The following CCDC73 variants were observed in gnomAD, a reference collection of about 807,000 sequenced individuals.
CCDC73 encodes coiled-coil domain containing 73, also known as coiled-coil domain-containing protein 73.
In CCDC73, 95 loss-of-function variants were observed where a neutral mutation model predicts 116.5. That is an observed-to-expected ratio of 0.82 (90% confidence interval 0.69 to 0.97). The LOEUF (loss-of-function observed/expected upper bound fraction) is 0.97, where lower values mean the gene tolerates loss of function less well. Among genes scored for constraint, CCDC73 ranks in the 50% least tolerant of loss-of-function variants. CCDC73 has a pLI of 0.00. For synonymous variants in CCDC73, 398 were observed against 401.3 expected (o/e 0.99, Z 0.10); for missense variants, 1,066 against 1,206.8 (o/e 0.88, Z 1.73).
chr11:32,727,769 A>G (rs1019057634), intron 2 of CCDC73, among the ~76,000 whole-genome samples: 2 of 151,758 alleles, frequency 1.3e-5, no homozygotes, highest in Non-Finnish European at 2.9e-5. Context: ...ATGGGGTTTC[A>G]CCATCTTGGC....
chr11:32,796,928 C>T (rs992911219), upstream of CCDC73, among the ~76,000 whole-genome samples: 1 of 148,202 alleles, frequency 6.7e-6, no homozygotes, highest in Non-Finnish European at 1.5e-5. Flanking sequence ...GTAAGAATCG[C>T]TTGAACCCAG....
intron 7 of CCDC73, 123 bp downstream of exon 7, chr11:32,683,409 GGAGA>G: frequency 1.5e-6 from 1 of 686,226 alleles, no homozygotes; most frequent in Non-Finnish European, 2.7e-6. Context: ...TCATATTACT[GGAGA>G]CAGTAATATT....
intron 2 of CCDC73, among the ~76,000 whole-genome samples, chr11:32,726,584 A>T (rs1426114979): frequency 1.3e-5 from 2 of 152,130 alleles, no homozygotes; most frequent in African/African-American, 4.8e-5. Context: ...GACAAAGTTG[A>T]TCTATATAAT....
At chr11:32,640,906 A>G (rs1565064114) in intron 13 of CCDC73, among the ~76,000 whole-genome samples, 1 of 151,890 alleles carries the variant, frequency 6.6e-6, no homozygotes, top group Non-Finnish European at 1.5e-5. Context: ...AGTCCCAGCT[A>G]CTCAGGAGGC....
chr11:32,824,041 T>C, the CCDC73 span, among the ~76,000 whole-genome samples: 1 of 152,122 alleles, frequency 6.6e-6, no homozygotes, highest in Admixed American at 6.6e-5. Context: ...ATTACAGGCA[T>C]GCATTACCAT....
intron 6 of CCDC73, among the ~76,000 whole-genome samples, chr11:32,688,962 G>A (rs984506882): frequency 1.3e-5 from 2 of 152,112 alleles, no homozygotes; most frequent in African/African-American, 4.8e-5. Context: ...CCTACATACA[G>A]ATATAGGCTG....
intron 1 of CCDC73, among the ~76,000 whole-genome samples, chr11:32,768,902 C>T (rs917475207): frequency 6.6e-6 from 1 of 152,026 alleles, no homozygotes; most frequent in Non-Finnish European, 1.5e-5. Flanking sequence ...GAGAAATCTG[C>T]AAGATGTCTG....
intron 6 of CCDC73, among the ~76,000 whole-genome samples, chr11:32,688,035 G>T (rs949190437): frequency 6.6e-6 from 1 of 152,076 alleles, no homozygotes. Context: ...AGGAAACTAT[G>T]AGTCTATATT....
chr11:32,742,086 C>G (rs1850192810), intron 2 of CCDC73, among the ~76,000 whole-genome samples: 1 of 152,128 alleles, frequency 6.6e-6, no homozygotes, highest in Admixed American at 6.6e-5. Flanking sequence ...GGTTCCAAGT[C>G]TTTGCTATTG....
upstream of CCDC73, among the ~76,000 whole-genome samples, chr11:32,795,595 T>C (rs890929450): frequency 6.6e-6 from 1 of 152,218 alleles, no homozygotes; most frequent in Admixed American, 6.5e-5. Flanking sequence ...CAGTATGTTA[T>C]GTTGAATAGT....
At chr11:32,782,476 T>C (rs923538161) in intron 1 of CCDC73, among the ~76,000 whole-genome samples, 2 of 152,206 alleles carry the variant, frequency 1.3e-5, no homozygotes, top group African/African-American at 4.8e-5. Flanking sequence ...ATGAAGACCA[T>C]AGTCAATAGG....
At chr11:32,711,589 A>T (rs1849901223) in intron 3 of CCDC73, among the ~76,000 whole-genome samples, 2 of 152,170 alleles carry the variant, frequency 1.3e-5, no homozygotes, top group South Asian at 4.1e-4. Flanking sequence ...AGAATAATAC[A>T]TTGGACTTTG....
chr11:32,663,543 T>C (rs1855950658), intron 9 of CCDC73, among the ~76,000 whole-genome samples: 1 of 152,212 alleles, frequency 6.6e-6, no homozygotes, highest in African/African-American at 2.4e-5. Context: ...TCCTGAGACT[T>C]TGCTGAAGTT....
intron 3 of CCDC73, among the ~76,000 whole-genome samples, chr11:32,704,778 C>T (rs1162206457): frequency 6.6e-6 from 1 of 152,230 alleles, no homozygotes; most frequent in Non-Finnish European, 1.5e-5. Flanking sequence ...AATAAACACA[C>T]ACTTCCTCCA....
chr11:32,716,603 C>T (rs532766811), intron 3 of CCDC73, among the ~76,000 whole-genome samples: 2 of 152,262 alleles, frequency 1.3e-5, no homozygotes, highest in East Asian at 1.9e-4. Context: ...CGCTCTGCAC[C>T]CAGGCTGGAG....
the CCDC73 span, among the ~76,000 whole-genome samples, chr11:32,821,234 T>C: frequency 2.2e-4 from 33 of 152,296 alleles, no homozygotes; most frequent in East Asian, 1.7e-3. Context: ...TGAAGTAAGA[T>C]GTGAGAGTGG....
At chr11:32,603,152 T>TCA in intron 17 of CCDC73, 132 bp from the exon 18 acceptor site, 1 of 660,092 alleles carries the variant, frequency 1.5e-6, no homozygotes, top group Non-Finnish European at 2.6e-6. Flanking sequence ...CCTTAGTAGT[T>TCA]CTGGCACCAG....
intron 2 of CCDC73, chr11:32,758,161 GCT>G (rs1565095005): frequency 5.9e-6 from 1 of 169,528 alleles, no homozygotes; most frequent in African/African-American, 2.4e-5. Flanking sequence ...TAAGAAGAAA[GCT>G]CTCTTTTCAA....
chr11:32,710,202 G>T (rs190630387), intron 3 of CCDC73, among the ~76,000 whole-genome samples: 1 of 152,110 alleles, frequency 6.6e-6, no homozygotes, highest in East Asian at 1.9e-4. Context: ...GTTCTGTTCT[G>T]ATCTTTGTTA....
Sources: allele counts gnomAD v4.1 joint callset (sites outside exome capture counted in the v4.1 genomes callset), GRCh38; gene constraint gnomAD v4.1.1; transcripts MANE v1.5; gene names NCBI Gene and HGNC (gene_info 2026-07-23, HGNC 2026-07-21).